KIAA1217: variants seen among roughly 807,000 people sequenced by gnomAD.
KIAA1217 encodes the protein KIAA1217, also known as sickle tail protein homolog.
A neutral mutation model predicts 163.9 loss-of-function variants in KIAA1217; 88 were observed. That is an observed-to-expected ratio of 0.54 (90% CI 0.45 to 0.64). The LOEUF (loss-of-function observed/expected upper bound fraction) is 0.64, where lower values mean the gene tolerates loss of function less well. KIAA1217 is among the 30% of genes least tolerant of loss of function. The pLI, the probability that KIAA1217 is intolerant of heterozygous loss-of-function variation, is 0.00. For synonymous variants in KIAA1217, 903 were observed against 923.1 expected (o/e 0.98, Z 0.39); for missense variants, 2,372 against 2,475.0 (o/e 0.96, Z 0.88).
chr10:24,361,873 G>C (rs1471078238), intron 2 of KIAA1217, among the ~76,000 whole-genome samples: 1 of 151,498 alleles, frequency 6.6e-6, no homozygotes, highest in Non-Finnish European at 1.5e-5. Flanking sequence ...TACTCGGAAG[G>C]CTGAGGCAGG....
At chr10:24,000,937 ACT>A (rs1846714168) in intron 1 of KIAA1217, among the ~76,000 whole-genome samples, 1 of 152,112 alleles carries the variant, frequency 6.6e-6, no homozygotes, top group Non-Finnish European at 1.5e-5. Context: ...AAATGTGTGG[ACT>A]CTGATGGCCT....
chr10:24,048,803 C>T (rs750641318), intron 2 of KIAA1217, among the ~76,000 whole-genome samples: 12 of 151,610 alleles, frequency 7.9e-5, no homozygotes, highest in Non-Finnish European at 1.3e-4. Flanking sequence ...GCGGCCGAGG[C>T]GGGTGGATCA....
At chr10:23,855,585 T>G (rs994499610) in intron 1 of KIAA1217, among the ~76,000 whole-genome samples, 4 of 152,256 alleles carry the variant, frequency 2.6e-5, no homozygotes, top group Non-Finnish European at 5.9e-5. Flanking sequence ...GGGGAAGTTC[T>G]GGATAATATC....
chr10:23,889,232 T>C (rs1367612161), intron 1 of KIAA1217, among the ~76,000 whole-genome samples: 1 of 151,874 alleles, frequency 6.6e-6, no homozygotes, highest in Non-Finnish European at 1.5e-5. Context: ...AATTGCCAAA[T>C]TGTTTTCTAA....
At chr10:24,436,619 G>T (rs993071156) in intron 4 of KIAA1217, among the ~76,000 whole-genome samples, 1 of 151,842 alleles carries the variant, frequency 6.6e-6, no homozygotes, top group African/African-American at 2.4e-5. Flanking sequence ...TTAGCCGGGC[G>T]TGGTGGCGGG....
chr10:24,120,992 G>A (rs1183025919), intron 2 of KIAA1217, among the ~76,000 whole-genome samples: 1 of 152,184 alleles, frequency 6.6e-6, no homozygotes, highest in African/African-American at 2.4e-5. Context: ...CTTTACCTGT[G>A]TAATGCAGGT....
At chr10:23,813,207 G>A (rs1284888176) in intron 1 of KIAA1217, among the ~76,000 whole-genome samples, 1 of 152,036 alleles carries the variant, frequency 6.6e-6, no homozygotes, top group East Asian at 1.9e-4. Context: ...AACATCTTGA[G>A]CCTATTGGCC....
chr10:24,445,028 C>A (rs1215428377), intron 5 of KIAA1217, among the ~76,000 whole-genome samples: 1 of 152,200 alleles, frequency 6.6e-6, no homozygotes, highest in Non-Finnish European at 1.5e-5. Context: ...AAATAGTATT[C>A]ATTCTCTACC....
At chr10:24,019,222 G>C (rs561646254) in intron 2 of KIAA1217, among the ~76,000 whole-genome samples, 14 of 152,144 alleles carry the variant, frequency 9.2e-5, no homozygotes, top group Admixed American at 9.2e-4. Context: ...AAAATGATAA[G>C]TAGGTGAGCT....
intron 2 of KIAA1217, among the ~76,000 whole-genome samples, chr10:24,084,076 T>C (rs2061618693): frequency 6.6e-6 from 1 of 152,176 alleles, no homozygotes; most frequent in Non-Finnish European, 1.5e-5. Flanking sequence ...ATCTGCATAT[T>C]TCACTCCCCA....
chr10:24,029,258 G>A (rs1848093967), intron 2 of KIAA1217, among the ~76,000 whole-genome samples: 1 of 152,024 alleles, frequency 6.6e-6, no homozygotes, highest in African/African-American at 2.4e-5. Flanking sequence ...GAAAGGAGGA[G>A]GAACATCAAA....
chr10:24,024,720 C>A (rs969926741), intron 2 of KIAA1217, among the ~76,000 whole-genome samples: 2 of 151,604 alleles, frequency 1.3e-5, no homozygotes, highest in Non-Finnish European at 3.0e-5. Flanking sequence ...ACATTCTCAC[C>A]ATAATTTGGT....
chr10:24,426,784 A>G (rs2059207563), intron 3 of KIAA1217, among the ~76,000 whole-genome samples: 2 of 152,198 alleles, frequency 1.3e-5, no homozygotes, highest in Admixed American at 1.3e-4. Context: ...GGTGGTGAGA[A>G]GTGCGTGGCG....
intron 3 of KIAA1217, among the ~76,000 whole-genome samples, chr10:24,403,902 G>A (rs2056863319): frequency 6.6e-6 from 1 of 152,162 alleles, no homozygotes; most frequent in Non-Finnish European, 1.5e-5. Flanking sequence ...ATACATTGCT[G>A]GTGGAAATGT....
chr10:24,236,088 G>T (rs979277878), intron 2 of KIAA1217, among the ~76,000 whole-genome samples: 6 of 151,992 alleles, frequency 3.9e-5, no homozygotes, highest in African/African-American at 1.4e-4. Context: ...TGTAAAATGG[G>T]AATAATGATT....
intron 3 of KIAA1217, among the ~76,000 whole-genome samples, chr10:24,384,014 T>C (rs1392322469): frequency 6.6e-6 from 1 of 152,144 alleles, no homozygotes; most frequent in African/African-American, 2.4e-5. Flanking sequence ...TAAACAGTGC[T>C]CCCCAGAGAG....
intron 1 of KIAA1217, among the ~76,000 whole-genome samples, chr10:23,738,602 A>G (rs1052644648): frequency 4.0e-5 from 6 of 149,966 alleles, no homozygotes; most frequent in African/African-American, 1.2e-4. Flanking sequence ...CAAAAAGTAG[A>G]TATCTTTAGA....
intron 1 of KIAA1217, among the ~76,000 whole-genome samples, chr10:23,697,125 T>C (rs376611675): frequency 2.0e-5 from 3 of 152,318 alleles, no homozygotes; most frequent in Non-Finnish European, 1.5e-5. Flanking sequence ...AACACTTAGA[T>C]TGTAAATGCC....
intron 2 of KIAA1217, among the ~76,000 whole-genome samples, chr10:24,319,602 A>T (rs2043872794): frequency 6.6e-6 from 1 of 152,210 alleles, no homozygotes; most frequent in Non-Finnish European, 1.5e-5. Flanking sequence ...ACGTGCACGT[A>T]GAGCAAGAGG....
Sources: gnomAD v4.1 joint callset for allele counts (sites outside exome capture counted in the v4.1 genomes callset) on GRCh38, gnomAD v4.1.1 for gene constraint, MANE v1.5 for transcripts, NCBI Gene and HGNC (gene_info 2026-07-23, HGNC 2026-07-21) for gene names.